Variants in BEND4 observed in about 807,000 individuals in gnomAD.
The protein encoded by BEND4 is BEN domain containing 4, also known as BEN domain-containing protein 4.
Under a neutral mutation model 54.7 loss-of-function variants are expected in BEND4, and 27 were observed. That is an observed-to-expected ratio of 0.49 (90% CI 0.36 to 0.68). The LOEUF (loss-of-function observed/expected upper bound fraction) is 0.68, where lower values mean the gene tolerates loss of function less well. Ranked by LOEUF, BEND4 falls within the 30% of genes least tolerant of loss-of-function variation. The pLI is 0.00. For missense variants in BEND4, 702 were observed against 697.2 expected (o/e 1.01, Z -0.08); for synonymous variants, 327 against 299.5 (o/e 1.09, Z -0.95).
rs932743836 is a variant in BEND4 at position 42,124,807 on chromosome 4, C to T, written c.1146+776G>A. ...CTTCTATGACACTAGAGATGAGACC[C>T]GGGCCCAACTTTCAAGAAGCAAGAT... On this transcript the variant is annotated intron_variant, in intron 4 of 5. Coordinates refer to ENST00000502486, the MANE Select transcript of BEND4 (RefSeq NM_207406.4). Among the ~76,000 whole-genome samples the T allele has an allele frequency of 2.6e-5, 4 of 152,136 alleles. No individual in the cohort carries two copies. In the South Asian group the frequency reaches 6.2e-4, roughly 24 times the overall value.
chr4:42,125,735 AT>A, intron 3 of BEND4, 61 bp from the exon 4 acceptor site: 1 of 1,194,346 alleles, frequency 8.4e-7, no homozygotes, highest in South Asian at 1.6e-5. Flanking sequence ...AAATAAATAA[AT>A]TTTTTAAAGT....
In BEND4 at chr4:42,120,259, G is replaced by A; in HGVS notation, c.1182C>T (p.Tyr394=). 1 of 1,612,922 alleles carries A rather than the reference G, an allele frequency of 6.2e-7. No homozygotes were observed. Among genetic ancestry groups the A allele is most frequent in the East Asian group, 2.2e-5 (1 of 44,842 alleles). Residue 394 remains tyrosine (Y), a synonymous_variant, in exon 5 of 6, where the codon TAC becomes TAT. Coordinates refer to ENST00000502486, the MANE Select transcript of BEND4 (RefSeq NM_207406.4). The part of the protein sequence containing the change: ...SKQLLNNYPV[Y]ITSKQWDEAV... ...CCTCATCCCACTGTTTGCTCGTTAT[G>A]TAGACAGGATAGTTGTTCAACAGCT...
At position 42,111,943 on chromosome 4, in the gene BEND4, T is replaced by C. The variant is rs776286180; in HGVS notation, c.*5575A>G. The C allele has an allele frequency of 2.0e-5, 3 of 152,366 alleles. No homozygotes were observed. Among genetic ancestry groups the C allele is most frequent in the Admixed American group, 2.0e-4 (3 of 15,298 alleles). The allele number at this position is 152,366 out of a possible 1,614,324, so 9.4% of individuals were successfully genotyped here. On this transcript the variant is annotated 3_prime_UTR_variant, in exon 6 of 6. Coordinates refer to ENST00000502486, the MANE Select transcript of BEND4 (RefSeq NM_207406.4). ...TTTAAAAAAAGTTTTCTGGTCTTCA[T>C]CATAGGATCTTACGTAGGTCAAGCC...
At position 42,125,631 on chromosome 4, in the gene BEND4, C is replaced by T. The variant is rs777582214; in HGVS notation, c.1098G>A (p.Gln366=). The T allele has an allele frequency of 1.2e-6, 2 of 1,613,622 alleles. No homozygotes were observed. Among genetic ancestry groups the T allele is most frequent in the Admixed American group, 3.3e-5 (2 of 59,992 alleles). Residue 366 remains glutamine, a synonymous_variant, in exon 4 of 6, where the codon CAG becomes CAA. Transcript: ENST00000502486. ...TVLDYLKMVL[Q]HHNQLLIPQP... ...GTGGTATCAGGAGTTGGTTGTGGTG[C>T]TGCAGAACCATCTTCAAGTAATCTA...
intron 2 of BEND4, among the ~76,000 whole-genome samples, chr4:42,149,989 G>C (rs368408247): frequency 6.6e-6 from 1 of 152,182 alleles, no homozygotes; most frequent in East Asian, 1.9e-4. Flanking sequence ...AGATAGAGGG[G>C]AAAACGTCAA....
intron 3 of BEND4, among the ~76,000 whole-genome samples, chr4:42,128,288 A>C (rs917988493): frequency 9.9e-5 from 15 of 152,242 alleles, no homozygotes; most frequent in Non-Finnish European, 1.8e-4. Flanking sequence ...AACTGGCACG[A>C]AACAAGGATG....
At chr4:42,124,008 G>T (rs77966952) in intron 4 of BEND4, among the ~76,000 whole-genome samples, 3,835 of 152,236 alleles carry the variant, frequency 0.025, 74 homozygotes, top group Non-Finnish European at 0.038. Flanking sequence ...GAAGCCACAG[G>T]GACTGATGCT....
intron 3 of BEND4, among the ~76,000 whole-genome samples, chr4:42,127,406 T>C (rs546904198): frequency 1.3e-5 from 2 of 152,362 alleles, no homozygotes; most frequent in East Asian, 1.9e-4. Flanking sequence ...GTAGGCCTGT[T>C]ATTAAACCAA....
At chr4:42,129,879 T>C (rs1173163522) in intron 3 of BEND4, among the ~76,000 whole-genome samples, 1 of 152,088 alleles carries the variant, frequency 6.6e-6, no homozygotes, top group African/African-American at 2.4e-5. Context: ...CAAAAGCAAT[T>C]GCCACAAAAG....
In BEND4 at chr4:42,117,488, C is replaced by T. The variant is rs771801858; in HGVS notation, c.*30G>A. 1.5e-5 allele frequency: 23 copies of T among 1,510,474 alleles called. No individual in the cohort carries two copies. In the South Asian group the frequency reaches 2.6e-4, roughly 17 times the overall value. The allele number at this position is 1,510,474 out of a possible 1,614,324, so 93.6% of individuals were successfully genotyped here. ...TTCACAATTGGAACTCTTGAGAGGA[C>T]CAGCTGCTACAACAGGAAGATTCTG... On this transcript the variant is annotated 3_prime_UTR_variant, in exon 6 of 6. Transcript: ENST00000502486.
intron 3 of BEND4, among the ~76,000 whole-genome samples, chr4:42,140,647 A>G (rs140105998): frequency 6.6e-6 from 1 of 152,194 alleles, no homozygotes; most frequent in Non-Finnish European, 1.5e-5. Flanking sequence ...CAGGAACCTG[A>G]CCTGCTATGG....
Position 42,117,326 on chromosome 4 carries a change from CA to C in BEND4, c.*191del. 1 of 517,160 alleles carries C rather than the reference CA, an allele frequency of 1.9e-6. No individual in the cohort carries two copies. Among genetic ancestry groups the C allele is most frequent in the East Asian group, 3.2e-5 (1 of 31,254 alleles). The allele number at this position is 517,160 out of a possible 1,614,324, so 32.0% of individuals were successfully genotyped here. A position where few individuals can be genotyped will look rare whatever the true frequency, so the allele number is the denominator to read the frequency against. ...TTTTTCTTTTTATAATATAATATTC[CA>C]AAAGTCTGTTGTAGGTGCCACAGAC... On this transcript the variant is annotated 3_prime_UTR_variant, in exon 6 of 6. Transcript: ENST00000502486.
intron 4 of BEND4, among the ~76,000 whole-genome samples, chr4:42,123,694 G>GAAAAAAAAAACAAAAAAAAAA (rs1720147616): frequency 2.0e-5 from 1 of 50,804 alleles, no homozygotes; most frequent in African/African-American, 7.5e-5. Flanking sequence ...CTGTAATTCA[G>GAAAAAAAAAACAAAAAAAAAA]AAAAAAAAAA....
At position 42,144,176 on chromosome 4, in the gene BEND4, A is replaced by T. The variant is rs570822892; in HGVS notation, c.488-182T>A. The T allele has an allele frequency of 6.3e-6, 4 of 637,844 alleles. No individual in the cohort carries two copies. The African/African-American group carries it at 7.3e-5, about 12-fold the overall frequency. The allele number at this position is 637,844 out of a possible 1,614,324, so 39.5% of individuals were successfully genotyped here. A position where few individuals can be genotyped will look rare whatever the true frequency, so the allele number is the denominator to read the frequency against. On this transcript the variant is annotated intron_variant, in intron 2 of 5. Transcript: ENST00000502486. ...ACGCATAGCTTCCTGTTGTTCTGCG[A>T]CTGCGGGATGCTTGCTGAGTCACAC...
At chr4:42,135,986 A>G (rs1720684193) in intron 3 of BEND4, among the ~76,000 whole-genome samples, 2 of 152,168 alleles carry the variant, frequency 1.3e-5, no homozygotes, top group Non-Finnish European at 2.9e-5. Context: ...TGTCACTGAT[A>G]GTTGTAACCA....
Position 42,119,719 on chromosome 4 carries a change from A to T in BEND4, c.1387+335T>A, listed in dbSNP as rs560075514. ...AGGTAACATTGTACCCATTAAAAAA[A>T]TTTTCCACACCTTCCCTTCTTCTGT... On this transcript the variant is annotated intron_variant, in intron 5 of 5. Coordinates refer to ENST00000502486, the MANE Select transcript of BEND4 (RefSeq NM_207406.4). 7.5e-4 allele frequency among the ~76,000 whole-genome samples: 114 copies of T among 152,194 alleles called. No homozygotes were observed. The East Asian group carries it at 0.015, about 20-fold the overall frequency.
chr4:42,139,179 ACT>A (rs1306089299), intron 3 of BEND4, among the ~76,000 whole-genome samples: 1 of 151,998 alleles, frequency 6.6e-6, no homozygotes, highest in Non-Finnish European at 1.5e-5. Context: ...ATAAAATTTC[ACT>A]CTTTTCAAAA....
rs150130118 is a variant in BEND4 at position 42,129,974 on chromosome 4, G to C, written c.1055-4300C>G. ...AGAGTCAACAAACAATCTACAGAAT[G>C]GGAGAAAATTTCTGCAATCTATCCA... is the stretch of plus-strand genomic sequence containing the variant. On this transcript the variant is annotated intron_variant, in intron 3 of 5. Coordinates refer to ENST00000502486, the MANE Select transcript of BEND4 (RefSeq NM_207406.4). Among the ~76,000 whole-genome samples, 4 of 152,292 alleles carry C rather than the reference G, an allele frequency of 2.6e-5. No individual in the cohort carries two copies. In the East Asian group the frequency reaches 7.7e-4, roughly 29 times the overall value.
intron 3 of BEND4, among the ~76,000 whole-genome samples, chr4:42,128,286 C>A (rs551318268): frequency 1.3e-5 from 2 of 152,204 alleles, no homozygotes; most frequent in Non-Finnish European, 2.9e-5. Flanking sequence ...AAAACTGGCA[C>A]GAAACAAGGA....
Sources: allele counts gnomAD v4.1 joint callset (sites outside exome capture counted in the v4.1 genomes callset), GRCh38; gene constraint gnomAD v4.1.1; transcripts MANE v1.5; gene names NCBI Gene and HGNC (gene_info 2026-07-23, HGNC 2026-07-21).